Variants in CIT observed in about 807,000 individuals in gnomAD.
CIT encodes the protein citron Rho-interacting kinase.
In CIT, 79 loss-of-function variants were observed where a neutral mutation model predicts 272.7. That is an observed-to-expected ratio of 0.29 (90% confidence interval 0.24 to 0.35). CIT has a LOEUF of 0.35. Ranked by LOEUF, CIT falls within the 10% of genes least tolerant of loss-of-function variation. The probability of loss-of-function intolerance (pLI) is 1.00; values close to 1 mark genes in which losing one functional copy is unlikely to be tolerated. For synonymous variants in CIT, 948 were observed against 995.6 expected (o/e 0.95, Z 0.90); for missense variants, 1,909 against 2,618.3 (o/e 0.73, Z 5.91).
Position 119,783,961 on chromosome 12 carries a change from T to A in CIT, c.1492A>T (p.Thr498Ser). ...QKEVELKASE[T>S]QRSLLEQDLA... ...TCCTGCTCCAGGAGGGATCTCTGAG[T>A]CTCAGAGGCCTTCAGCTCCACCTCC... Residue 498 changes from threonine to serine, a missense_variant, in exon 12 of 48, where the codon ACT (threonine) becomes TCT (serine). Transcript: ENST00000392521. The A allele has an allele frequency of 6.2e-7, 1 of 1,612,850 alleles. No individual in the cohort carries two copies. The highest frequency in any genetic ancestry group is 8.5e-7 in the Non-Finnish European group (1 of 1,179,360).
chr12:119,870,284 C>T (rs1426011495), intron 2 of CIT, among the ~76,000 whole-genome samples: 5 of 152,184 alleles, frequency 3.3e-5, no homozygotes, highest in Admixed American at 1.3e-4. Context: ...GACACGGTGG[C>T]TCACATCTGT....
In CIT at chr12:119,710,629, A is replaced by G. The variant is rs1957118191; in HGVS notation, c.4855-9T>C. Reference sequence around the variant, plus strand: ...GAGTTTCCAAGCAGTTTCTTTTCATAGGTGAAAGAAAAGAAAAACAGAAGA... The same window carrying G: ...GAGTTTCCAAGCAGTTTCTTTTCATGGGTGAAAGAAAAGAAAAACAGAAGA... On this transcript the variant is annotated splice_polypyrimidine_tract_variant and intron_variant, in intron 37 of 47. Transcript: ENST00000392521. This position sits in a 1 kb window ranked among gnomAD's most constrained non-coding sequence, Gnocchi z 5.6. 4 of 1,612,532 alleles carry G rather than the reference A, an allele frequency of 2.5e-6. No individual in the cohort carries two copies. The highest frequency in any genetic ancestry group is 4.5e-5 in the East Asian group (2 of 44,884).
chr12:119,840,221 G>A (rs1173183244), intron 5 of CIT, among the ~76,000 whole-genome samples: 2 of 152,204 alleles, frequency 1.3e-5, no homozygotes, highest in Non-Finnish European at 2.9e-5. Context: ...AGGAGGGTGA[G>A]GTGGGAGGAC....
In CIT at chr12:119,768,161, C is replaced by T. The variant is rs886352300; in HGVS notation, c.2209-979G>A. Reference sequence around the variant, plus strand: ...TCCTGACCTCAGGTGATCCACCCGCCTCAGCCTCCCAAAGTGCTGGGATTA... The same window carrying T: ...TCCTGACCTCAGGTGATCCACCCGCTTCAGCCTCCCAAAGTGCTGGGATTA... On this transcript the variant is annotated intron_variant, in intron 18 of 47. Transcript: ENST00000392521. The surrounding 1 kb of genome is among the most constrained non-coding windows in gnomAD (Gnocchi z 4.3). Among the ~76,000 whole-genome samples, 2 of 152,190 alleles carry T rather than the reference C, an allele frequency of 1.3e-5. No homozygotes were observed. Among genetic ancestry groups the T allele is most frequent in the Non-Finnish European group, 2.9e-5 (2 of 68,026 alleles).
At chr12:119,756,165 G>A (rs1393555943) in intron 22 of CIT, among the ~76,000 whole-genome samples, 1 of 152,230 alleles carries the variant, frequency 6.6e-6, no homozygotes, top group African/African-American at 2.4e-5. Flanking sequence ...AGGAGTGGAG[G>A]TGGAATTCTA....
chr12:119,730,717 G>A, intron 26 of CIT, 87 bp from the exon 27 acceptor site: 2 of 1,430,352 alleles, frequency 1.4e-6, no homozygotes, highest in Non-Finnish European at 9.5e-7. Flanking sequence ...ATCCTGACGA[G>A]CAACTAAACA....
chr12:119,863,201 C>CA (rs751421292), intron 3 of CIT, among the ~76,000 whole-genome samples: 2,733 of 40,194 alleles, frequency 0.068, 179 homozygotes, highest in African/African-American at 0.14. Flanking sequence ...GACTCTGTAT[C>CA]AAAAAAAAAA....
At position 119,688,043 on chromosome 12, in the gene CIT, A is replaced by G. The variant is rs1467047988; in HGVS notation, c.*189T>C. ...CCCAGGGCAGGCACCGGGCGCTGAC[A>G]GCTCCGAAGAGCCTCAGCCACCTGC... is the stretch of plus-strand genomic sequence containing the variant. On this transcript the variant is annotated 3_prime_UTR_variant, in exon 48 of 48. Transcript: ENST00000392521. 2 of 635,826 alleles carry G rather than the reference A, an allele frequency of 3.1e-6. No individual in the cohort carries two copies. Among genetic ancestry groups the G allele is most frequent in the Non-Finnish European group, 5.7e-6 (2 of 353,230 alleles). The allele number at this position is 635,826 out of a possible 1,614,324, so 39.4% of individuals were successfully genotyped here.
chr12:119,816,914 A>G (rs1166447199), intron 9 of CIT, among the ~76,000 whole-genome samples: 28 of 152,320 alleles, frequency 1.8e-4, no homozygotes, highest in Admixed American at 1.8e-3. Context: ...AAGCACAGCG[A>G]TGCTGTTCAA....
In CIT at chr12:119,753,976, G is replaced by C. The variant is rs186673231; in HGVS notation, c.2707-1729C>G. Among the ~76,000 whole-genome samples, 3 of 152,274 alleles carry C rather than the reference G, an allele frequency of 2.0e-5. No individual in the cohort carries two copies. The East Asian group carries it at 5.8e-4, about 29-fold the overall frequency. On this transcript the variant is annotated intron_variant, in intron 22 of 47. Transcript: ENST00000392521. ...AATGGGTCAGAAACTCAAAAGAAAGGTCTGGATTGGCAACCTGGATCCAGG... is the reference window on the plus strand; with the variant it reads ...AATGGGTCAGAAACTCAAAAGAAAGCTCTGGATTGGCAACCTGGATCCAGG...
At chr12:119,709,613 C>T (rs1957049655) in intron 39 of CIT, among the ~76,000 whole-genome samples, 1 of 152,122 alleles carries the variant, frequency 6.6e-6, no homozygotes, top group African/African-American at 2.4e-5. Context: ...CGATATATTA[C>T]TCTTTTCCCC....
At chr12:119,742,661 T>A (rs1565973600) in intron 23 of CIT, 197 bp from the exon 24 acceptor site, 5 of 496,868 alleles carry the variant, frequency 1.0e-5, no homozygotes, top group Non-Finnish European at 1.4e-5. Flanking sequence ...GCTGTGTTAA[T>A]AACAATTAAT....
intron 23 of CIT, among the ~76,000 whole-genome samples, chr12:119,746,823 A>G (rs1593574242): frequency 1.3e-5 from 2 of 152,358 alleles, no homozygotes; most frequent in Non-Finnish European, 2.9e-5. Flanking sequence ...TGTGGTTGCT[A>G]GACCTACTGT....
intron 24 of CIT, among the ~76,000 whole-genome samples, chr12:119,737,306 CAAAAAAAAAAAAAAAAAAAAAAAA>C (rs145489542): frequency 4.5e-4 from 11 of 24,180 alleles, no homozygotes; most frequent in African/African-American, 9.4e-4. Flanking sequence ...GATTCCATCT[CAAAAAAAAAAAAAAAAAAAAAAAA>C]AAAAAAAAAA....
At chr12:119,717,965 C>A (rs1407410788) in intron 32 of CIT, among the ~76,000 whole-genome samples, 1 of 151,052 alleles carries the variant, frequency 6.6e-6, no homozygotes, top group Admixed American at 6.6e-5. Flanking sequence ...CTCAGCCTCC[C>A]GAGTAGCTAG....
intron 16 of CIT, among the ~76,000 whole-genome samples, chr12:119,774,475 A>G (rs112151286): frequency 1.1e-3 from 170 of 152,194 alleles, no homozygotes; most frequent in African/African-American, 3.9e-3. Flanking sequence ...ATTGCTCTTA[A>G]ATGTTCTCAC....
chr12:119,816,917 C>T (rs1473946164), intron 9 of CIT, among the ~76,000 whole-genome samples: 1 of 152,208 alleles, frequency 6.6e-6, no homozygotes, highest in Admixed American at 6.5e-5. Flanking sequence ...CACAGCGATG[C>T]TGTTCAACAT....
At position 119,721,384 on chromosome 12, in the gene CIT, C is replaced by G; in HGVS notation, c.3657G>C (p.Leu1219=). The G allele has an allele frequency of 6.2e-7, 1 of 1,612,200 alleles. No individual in the cohort carries two copies. The highest frequency in any genetic ancestry group is 8.5e-7 in the Non-Finnish European group (1 of 1,178,380). Residue 1219 remains leucine (L), a synonymous_variant, in exon 29 of 48, where the codon CTG becomes CTC. Transcript: ENST00000392521. ...GATCAGCCCGATCTAGAGCTTCTTG[C>G]AGTCCTTGAGTCAGACGGAAAATGT... ...KNHIFRLTQG[L]QEALDRADLL... is the part of the protein sequence containing the mutation.
In CIT at chr12:119,688,247, G is replaced by A. The variant is rs1300960769; in HGVS notation, c.6195C>T (p.Asp2065=). ...TPLSQVNKVW[D]QSSV is the part of the protein sequence containing the mutation. ...TGGCTGAGATTTATACTGAAGACTG[G>A]TCCCAGACCTAGGAGTGAAATAAGG... Residue 2065 remains aspartate (D), a synonymous_variant, in exon 48 of 48, where the codon GAC becomes GAT. Transcript: ENST00000392521. 2 of 1,610,860 alleles carry A rather than the reference G, an allele frequency of 1.2e-6. No individual in the cohort carries two copies. The highest frequency in any genetic ancestry group is 1.7e-6 in the Non-Finnish European group (2 of 1,179,250).
Sources: gnomAD v4.1 joint callset for allele counts (sites outside exome capture counted in the v4.1 genomes callset) on GRCh38, gnomAD v4.1.1 for gene constraint, Gnocchi (gnomAD v3.1) non-coding constraint, MANE v1.5 for transcripts, NCBI Gene and HGNC (gene_info 2026-07-23, HGNC 2026-07-21) for gene names.